The following DLGAP2 variants were observed in gnomAD, a reference collection of about 807,000 sequenced individuals.
The protein encoded by DLGAP2 is disks large-associated protein 2.
DLGAP2 carries 26 observed loss-of-function variants against 100.3 expected under a neutral mutation model. The ratio of observed to expected loss-of-function variants is 0.26; its 90% confidence interval spans 0.19 to 0.36. The LOEUF (loss-of-function observed/expected upper bound fraction) is 0.36. Among genes scored for constraint, DLGAP2 ranks in the 10% least tolerant of loss-of-function variants. DLGAP2 has a pLI of 1.00. For synonymous variants in DLGAP2, 886 were observed against 630.1 expected, an observed-to-expected ratio of 1.41 and a Z score of -6.08; for missense variants, 1,858 against 1,453.2, an observed-to-expected ratio of 1.28 and a Z score of -4.53.
At chr8:1,049,783 C>G (rs1367498711) in intron 2 of DLGAP2, among the ~76,000 whole-genome samples, 2 of 152,104 alleles carry the variant, frequency 1.3e-5, no homozygotes, top group Non-Finnish European at 2.9e-5. Flanking sequence ...GGCACATGCA[C>G]ACATGAGTGC....
intron 1 of DLGAP2, among the ~76,000 whole-genome samples, chr8:832,137 C>T (rs1172091581): frequency 6.6e-6 from 1 of 152,130 alleles, no homozygotes; most frequent in African/African-American, 2.4e-5. Context: ...GGGTAGATTG[C>T]AAAAGTTTTC....
At chr8:1,342,066 T>G (rs560192936) in intron 3 of DLGAP2, among the ~76,000 whole-genome samples, 1 of 152,228 alleles carries the variant, frequency 6.6e-6, no homozygotes, top group East Asian at 1.9e-4. Flanking sequence ...TTCTCTCACC[T>G]CAGCTTCCCA....
intron 6 of DLGAP2, among the ~76,000 whole-genome samples, chr8:1,572,209 TG>T: frequency 1.3e-5 from 1 of 79,436 alleles, no homozygotes; most frequent in Non-Finnish European, 2.3e-5. Context: ...GGGTGAACTG[TG>T]GGGGCATCTG....
At chr8:1,235,029 T>C (rs1383408942) in intron 2 of DLGAP2, among the ~76,000 whole-genome samples, 7 of 151,528 alleles carry the variant, frequency 4.6e-5, no homozygotes, top group Admixed American at 1.3e-4. Flanking sequence ...TGTCTAATTC[T>C]CTCTCACATG....
chr8:829,298 T>C (rs527409824), intron 1 of DLGAP2, among the ~76,000 whole-genome samples: 1 of 152,192 alleles, frequency 6.6e-6, no homozygotes, highest in Admixed American at 6.5e-5. Context: ...GATTTGTCAG[T>C]CTCTTTTCTG....
At chr8:1,092,855 C>T (rs566332000) in intron 2 of DLGAP2, among the ~76,000 whole-genome samples, 17 of 152,230 alleles carry the variant, frequency 1.1e-4, no homozygotes, top group African/African-American at 3.6e-4. Flanking sequence ...TGGACCGGGG[C>T]CTCATAACTG....
At chr8:1,195,795 TC>T (rs1797737628) in intron 2 of DLGAP2, among the ~76,000 whole-genome samples, 1 of 152,202 alleles carries the variant, frequency 6.6e-6, no homozygotes, top group Non-Finnish European at 1.5e-5. Flanking sequence ...TGTGGCGCGT[TC>T]CCCGGAGTGC....
Position 924,584 on chromosome 8 carries a change from T to C in DLGAP2, c.73+16618T>C, listed in dbSNP as rs576675495. Reference sequence around the variant, plus strand: ...GCTTATCCCGGTTATTCTTTTTTTTTTTTCTTTCTTTCTTTTTGAGACGGA... The same window carrying C: ...GCTTATCCCGGTTATTCTTTTTTTTCTTTCTTTCTTTCTTTTTGAGACGGA... On this transcript the variant is annotated intron_variant, in intron 2 of 14. Coordinates refer to ENST00000637795, the MANE Select transcript of DLGAP2 (RefSeq NM_001346810.2). Among the ~76,000 whole-genome samples the C allele has an allele frequency of 1.7e-3, 259 of 152,128 alleles. 3 individuals are homozygous for C. The highest frequency in any genetic ancestry group is 5.8e-3 in the African/African-American group (242 of 41,494).
At chr8:1,592,481 G>A (rs1279393636) in intron 6 of DLGAP2, among the ~76,000 whole-genome samples, 1 of 151,816 alleles carries the variant, frequency 6.6e-6, no homozygotes. Context: ...TTGCACATTT[G>A]CCCCCTGAAG....
rs182747136 is a variant in DLGAP2, at chr8:1,531,767, G to A, written c.173-16859G>A. ...ATAACTAAATTTTGTTTCTCTCCTT[G>A]CATTGACTGGCAGAAAGTTAGAGCT... On this transcript the variant is annotated intron_variant, in intron 4 of 14. Transcript: ENST00000637795. Among the ~76,000 whole-genome samples, 5 of 152,090 alleles carry A rather than the reference G, an allele frequency of 3.3e-5. No individual in the cohort carries two copies. The East Asian group carries it at 9.6e-4, about 29-fold the overall frequency.
intron 2 of DLGAP2, among the ~76,000 whole-genome samples, chr8:963,071 G>A (rs949085137): frequency 1.3e-5 from 2 of 152,162 alleles, no homozygotes; most frequent in African/African-American, 4.8e-5. Flanking sequence ...TTCGGTGCGG[G>A]CGCCATCCAG....
chr8:1,345,324 G>A (rs1185835209), intron 3 of DLGAP2, among the ~76,000 whole-genome samples: 1 of 141,206 alleles, frequency 7.1e-6, no homozygotes, highest in African/African-American at 2.6e-5. Context: ...CGGTTGTTCT[G>A]TTTCTCTTCG....
chr8:1,059,353 G>A (rs1045913848), intron 2 of DLGAP2, among the ~76,000 whole-genome samples: 12 of 152,168 alleles, frequency 7.9e-5, no homozygotes, highest in African/African-American at 1.2e-4. Context: ...AGGCATGAGG[G>A]GTGGCATATT....
At chr8:798,924 A>C (rs1796091944) in intron 1 of DLGAP2, among the ~76,000 whole-genome samples, 1 of 152,260 alleles carries the variant, frequency 6.6e-6, no homozygotes, top group Non-Finnish European at 1.5e-5. Context: ...ACTGAAAGTA[A>C]ACGCTTGTTG....
intron 7 of DLGAP2, among the ~76,000 whole-genome samples, chr8:1,630,973 G>C (rs1003052962): frequency 9.6e-6 from 1 of 104,248 alleles, no homozygotes; most frequent in Non-Finnish European, 2.3e-5. Flanking sequence ...CGAGGGTCTC[G>C]GCGGGAGGTC....
At chr8:821,678 G>A (rs772526926) in intron 1 of DLGAP2, among the ~76,000 whole-genome samples, 54 of 152,302 alleles carry the variant, frequency 3.5e-4, no homozygotes, top group Non-Finnish European at 5.4e-4. Context: ...GTTCTTTGCA[G>A]AACTGGACTA....
intron 2 of DLGAP2, among the ~76,000 whole-genome samples, chr8:1,206,872 C>T (rs1050218465): frequency 2.4e-4 from 36 of 152,294 alleles, no homozygotes; most frequent in Admixed American, 2.0e-3. Context: ...AGCCTTCTCA[C>T]GATCCATCCC....
intron 3 of DLGAP2, among the ~76,000 whole-genome samples, chr8:1,492,545 G>T (rs769293596): frequency 1.8e-4 from 28 of 152,220 alleles, no homozygotes; most frequent in South Asian, 4.1e-4. Context: ...ACCCGATGGG[G>T]ACCGCGCTTC....
chr8:1,033,984 A>G (rs10704905), intron 2 of DLGAP2, among the ~76,000 whole-genome samples: 22 of 111,750 alleles, frequency 2.0e-4, no homozygotes, highest in East Asian at 1.5e-3. Context: ...CCGTGAGTGG[A>G]CTCACACCCT....
Sources: gnomAD v4.1 joint callset for allele counts (sites outside exome capture counted in the v4.1 genomes callset) on GRCh38, gnomAD v4.1.1 for gene constraint, MANE v1.5 for transcripts, NCBI Gene and HGNC (gene_info 2026-07-23, HGNC 2026-07-21) for gene names.